The following FKBPL variants were observed in gnomAD, a reference collection of about 807,000 sequenced individuals.
FKBPL encodes FK506-binding protein-like.
In FKBPL, 31 loss-of-function variants were observed where a neutral mutation model predicts 27.9. That is an observed-to-expected ratio of 1.11 (90% CI 0.83 to 1.50). The LOEUF (loss-of-function observed/expected upper bound fraction) is 1.50. Among genes scored for constraint, FKBPL ranks in the 40% most tolerant of loss-of-function variants. The pLI, the probability that FKBPL is intolerant of heterozygous loss-of-function variation, is 0.00. For synonymous variants in FKBPL, 134 were observed against 169.5 expected (o/e 0.79, Z 1.63); for missense variants, 355 against 425.9 (o/e 0.83, Z 1.46).
Position 32,129,018 on chromosome 6 carries a change from G to T in FKBPL, c.763C>A (p.His255Asn). The T allele has an allele frequency of 6.2e-7, 1 of 1,614,220 alleles. No homozygotes were observed. Among genetic ancestry groups the T allele is most frequent in the Non-Finnish European group, 8.5e-7 (1 of 1,180,016 alleles). Reference sequence around the variant, plus strand: ...AACTGACAGGCAGCCAGATTGGCATGAAGGACAGTTCGTTCTGGAGGGCCA... The same window carrying T: ...AACTGACAGGCAGCCAGATTGGCATTAAGGACAGTTCGTTCTGGAGGGCCA... ...PPGPPERTVLHANLAACQLLL... is the reference protein window; with the variant it reads ...PPGPPERTVLNANLAACQLLL... Residue 255 changes from histidine (H) to asparagine (N), a missense_variant, in exon 2 of 2, where the codon CAT (histidine) becomes AAT (asparagine). Coordinates refer to ENST00000375156, the MANE Select transcript of FKBPL (RefSeq NM_022110.4). The surrounding 1 kb of genome is among the most constrained non-coding windows in gnomAD (Gnocchi z 4.5).
chr6:32,129,776 T>C lies in FKBPL; in HGVS notation c.5A>G (p.Glu2Gly). Residue 2 changes from glutamate to glycine, a missense_variant, in exon 2 of 2, where the codon GAG becomes GGG. Transcript: ENST00000375156. This position sits in a 1 kb window ranked among gnomAD's most constrained non-coding sequence, Gnocchi z 4.5. The part of the protein sequence containing the change: M[E>G]TPPVNTIGEK... ...TCCAATTGTATTGACTGGTGGCGTC[T>C]CCATATGGATGCTTAGTCCCTTCCA... 1.2e-6 allele frequency: 2 copies of C among 1,612,610 alleles called. No homozygotes were observed. Among genetic ancestry groups the C allele is most frequent in the Non-Finnish European group, 1.7e-6 (2 of 1,179,348 alleles).
rs776870873 is a variant in FKBPL at position 32,129,557 on chromosome 6, C to A, written c.224G>T (p.Gly75Val). Residue 75 changes from glycine (G) to valine (V), a missense_variant, in exon 2 of 2, where the codon GGA (glycine) becomes GTA (valine). Transcript: ENST00000375156. This position sits in a 1 kb window ranked among gnomAD's most constrained non-coding sequence, Gnocchi z 4.5. ...TGATCCATGAGACTTATGAGAGTCT[C>A]CTTCAAGTTCAGCAACCAGTTTTTC... ...GAEKLVAELEGDSHKSHGSTS... is the reference protein window; with the variant it reads ...GAEKLVAELEVDSHKSHGSTS... The A allele has an allele frequency of 1.7e-5, 27 of 1,610,190 alleles. No individual in the cohort carries two copies. The Admixed American group carries it at 4.2e-4, about 25-fold the overall frequency.
Position 32,130,190 on chromosome 6 carries a change from C to G in FKBPL, c.-170G>C. Reference sequence around the variant, plus strand: ...CTAAATGGCTACTGAATGCTGCCCTCGGAGCCTTGCCCCACGCGGAGAGGG... The same window carrying G: ...CTAAATGGCTACTGAATGCTGCCCTGGGAGCCTTGCCCCACGCGGAGAGGG... On this transcript the variant is annotated 5_prime_UTR_variant, in exon 1 of 2. Coordinates refer to ENST00000375156, the MANE Select transcript of FKBPL (RefSeq NM_022110.4). 4.4e-6 allele frequency: 1 copy of G among 227,028 alleles called. No homozygotes were observed. The highest frequency in any genetic ancestry group is 8.8e-6 in the Non-Finnish European group (1 of 113,226). 14.1% of individuals were successfully genotyped at this position (227,028 alleles called of 1,614,324 possible). A position where few individuals can be genotyped will look rare whatever the true frequency, so the allele number is the denominator to read the frequency against.
Position 32,129,279 on chromosome 6 carries a change from A to T in FKBPL, c.502T>A (p.Cys168Ser). Residue 168 changes from cysteine to serine, a missense_variant, in exon 2 of 2, where the codon TGT (cysteine) becomes AGT (serine). Transcript: ENST00000375156. The surrounding 1 kb of genome is among the most constrained non-coding windows in gnomAD (Gnocchi z 4.5). ...TGAAGCTCTGCTTCCTCACCTTGAC[A>T]CATGGACTCCAAGCATTTCTCTATG... is the stretch of plus-strand genomic sequence containing the variant. ...ELIEKCLESM[C>S]QGEEAELQLP... is the part of the protein sequence containing the mutation. 6.2e-7 allele frequency: 1 copy of T among 1,614,228 alleles called. No homozygotes were observed. Among genetic ancestry groups the T allele is most frequent in the Non-Finnish European group, 8.5e-7 (1 of 1,180,040 alleles).
rs1459320615 is a variant in FKBPL, at chr6:32,128,790, T to C, written c.991A>G (p.Ile331Val). 6.2e-7 allele frequency: 1 copy of C among 1,614,272 alleles called. No homozygotes were observed. The change falls in exon 2 of 2, where the codon ATT becomes GTT. Residue 331 changes from isoleucine (I) to valine (V), a missense_variant. Ile to Val is a conservative substitution (Grantham distance 29). Transcript: ENST00000375156. ...CCTGCATCCTGGTTCTTCCCCTGAA[T>C]GACCACCTTCCCCAGTTCCTCCTGG... ...AAQEELGKVV[I>V]QGKNQDAGLA...
Position 32,129,813 on chromosome 6 carries a change from C to G in FKBPL, c.-33G>C. 6.3e-7 allele frequency: 1 copy of G among 1,589,476 alleles called. No individual in the cohort carries two copies. The highest frequency in any genetic ancestry group is 8.6e-7 in the Non-Finnish European group (1 of 1,165,572). ...CTTAGTCCCTTCCACGGTGAGTGAACAGTTTTGGTCAGAAAGGGATGAACC... is the reference window on the plus strand; with the variant it reads ...CTTAGTCCCTTCCACGGTGAGTGAAGAGTTTTGGTCAGAAAGGGATGAACC... On this transcript the variant is annotated 5_prime_UTR_variant, in exon 2 of 2. Coordinates refer to ENST00000375156, the MANE Select transcript of FKBPL (RefSeq NM_022110.4). This position sits in a 1 kb window ranked among gnomAD's most constrained non-coding sequence, Gnocchi z 4.5.
Position 32,129,076 on chromosome 6 carries a change from C to T in FKBPL, c.705G>A (p.Arg235=). 6.2e-7 allele frequency: 1 copy of T among 1,614,238 alleles called. No homozygotes were observed. Among genetic ancestry groups the T allele is most frequent in the South Asian group, 1.1e-5 (1 of 91,092 alleles). Reference sequence around the variant, plus strand: ...GTAAAGTCAGGAGCAGCCGAAGAGCCCGTCCATAGCATCGGGCAGCTCCTT... The same window carrying T: ...GTAAAGTCAGGAGCAGCCGAAGAGCTCGTCCATAGCATCGGGCAGCTCCTT... ...NPEGAARCYG[R]ALRLLLTLPP... is the part of the protein sequence containing the mutation. The change falls in exon 2 of 2, where the codon CGG becomes CGA. Residue 235 remains arginine (R), a synonymous_variant. Coordinates refer to ENST00000375156, the MANE Select transcript of FKBPL (RefSeq NM_022110.4). This position sits in a 1 kb window ranked among gnomAD's most constrained non-coding sequence, Gnocchi z 4.5.
At position 32,129,881 on chromosome 6, in the gene FKBPL, T is replaced by G; in HGVS notation, c.-74-27A>C. 1 of 1,040,762 alleles carries G rather than the reference T, an allele frequency of 9.6e-7. No individual in the cohort carries two copies. The highest frequency in any genetic ancestry group is 1.5e-6 in the Non-Finnish European group (1 of 681,470). 64.5% of individuals were successfully genotyped at this position (1,040,762 alleles called of 1,614,324 possible). A position where few individuals can be genotyped will look rare whatever the true frequency, so the allele number is the denominator to read the frequency against. ...TGAAAAGAAAACCAAACAATGCTAA[T>G]AGCAGGGTTCTTATTTAGACTCCTT... On this transcript the variant is annotated intron_variant, in intron 1 of 1. Coordinates refer to ENST00000375156, the MANE Select transcript of FKBPL (RefSeq NM_022110.4). The surrounding 1 kb of genome is among the most constrained non-coding windows in gnomAD (Gnocchi z 4.5).
At position 32,129,577 on chromosome 6, in the gene FKBPL, T is replaced by G; in HGVS notation, c.204A>C (p.Lys68Asn). ...AGTCTCCTTCAAGTTCAGCAACCAG[T>G]TTTTCAGCTCCTTGAGTATGCTCTA... Reference protein sequence around the residue: ...QILEHTQGAEKLVAELEGDSH... With the variant: ...QILEHTQGAENLVAELEGDSH... The change falls in exon 2 of 2, where the codon AAA becomes AAC. Residue 68 changes from lysine (K) to asparagine (N), a missense_variant. Coordinates refer to ENST00000375156, the MANE Select transcript of FKBPL (RefSeq NM_022110.4). The surrounding 1 kb of genome is among the most constrained non-coding windows in gnomAD (Gnocchi z 4.5). 6.2e-7 allele frequency: 1 copy of G among 1,614,106 alleles called. No individual in the cohort carries two copies.
Position 32,130,110 on chromosome 6 carries a change from G to C in FKBPL, c.-90C>G. The C allele has an allele frequency of 2.2e-6, 1 of 461,044 alleles. No individual in the cohort carries two copies. The highest frequency in any genetic ancestry group is 2.4e-5 in the South Asian group (1 of 42,228). 28.6% of individuals were successfully genotyped at this position (461,044 alleles called of 1,614,324 possible). On this transcript the variant is annotated 5_prime_UTR_variant, in exon 1 of 2. Transcript: ENST00000375156. ...CAATAAGTACCTGCGCGGCCAAAGTGCCTAGCATGGTGACAGGAGGAGCCG... is the reference window on the plus strand; with the variant it reads ...CAATAAGTACCTGCGCGGCCAAAGTCCCTAGCATGGTGACAGGAGGAGCCG...
In FKBPL at chr6:32,129,023, A is replaced by G. The variant is rs757405641; in HGVS notation, c.758T>C (p.Val253Ala). 1.6e-5 allele frequency: 26 copies of G among 1,614,114 alleles called. No homozygotes were observed. Among genetic ancestry groups the G allele is most frequent in the Non-Finnish European group, 2.2e-5 (26 of 1,180,038 alleles). Residue 253 changes from valine to alanine, a missense_variant, in exon 2 of 2, where the codon GTC (valine) becomes GCC (alanine). Coordinates refer to ENST00000375156, the MANE Select transcript of FKBPL (RefSeq NM_022110.4). This position sits in a 1 kb window ranked among gnomAD's most constrained non-coding sequence, Gnocchi z 4.5. ...ACAGGCAGCCAGATTGGCATGAAGGACAGTTCGTTCTGGAGGGCCAGGTGG... is the reference window on the plus strand; with the variant it reads ...ACAGGCAGCCAGATTGGCATGAAGGGCAGTTCGTTCTGGAGGGCCAGGTGG... The part of the protein sequence containing the change: ...LPPPGPPERT[V>A]LHANLAACQL...
In FKBPL at chr6:32,129,553, G is replaced by A. The variant is rs748072964; in HGVS notation, c.228C>T (p.Asp76=). 3 of 1,609,230 alleles carry A rather than the reference G, an allele frequency of 1.9e-6. No individual in the cohort carries two copies. The highest frequency in any genetic ancestry group is 2.5e-6 in the Non-Finnish European group (3 of 1,179,048). The stretch of plus-strand genomic sequence containing the variant: ...TGGTTGATCCATGAGACTTATGAGA[G>A]TCTCCTTCAAGTTCAGCAACCAGTT... ...AEKLVAELEG[D]SHKSHGSTSQ... Residue 76 remains aspartate, a synonymous_variant, in exon 2 of 2, where the codon GAC becomes GAT. Transcript: ENST00000375156. The surrounding 1 kb of genome is among the most constrained non-coding windows in gnomAD (Gnocchi z 4.5).
Position 32,128,819 on chromosome 6 carries a change from G to T in FKBPL, c.962C>A (p.Ala321Glu), listed in dbSNP as rs1225800528. Residue 321 changes from alanine to glutamate, a missense_variant, in exon 2 of 2, where the codon GCA (alanine) becomes GAA (glutamate). Transcript: ENST00000375156. ...KVLAIDPKNR[A>E]AQEELGKVVI... The stretch of plus-strand genomic sequence containing the variant: ...CACCTTCCCCAGTTCCTCCTGGGCT[G>T]CCCGGTTTTTGGGATCTATCGCCAG... The T allele has an allele frequency of 6.2e-7, 1 of 1,614,246 alleles. No homozygotes were observed. The highest frequency in any genetic ancestry group is 1.7e-5 in the Admixed American group (1 of 60,028).
At position 32,128,854 on chromosome 6, in the gene FKBPL, G is replaced by A; in HGVS notation, c.927C>T (p.Leu309=). Residue 309 remains leucine, a synonymous_variant, in exon 2 of 2, where the codon CTC becomes CTT. Transcript: ENST00000375156. ...LGNLEKATAD[L]KKVLAIDPKN... ...TGGGATCTATCGCCAGCACCTTCTT[G>A]AGGTCAGCAGTTGCTTTTTCCAGGT... 6.2e-7 allele frequency: 1 copy of A among 1,614,208 alleles called. No individual in the cohort carries two copies. The highest frequency in any genetic ancestry group is 1.3e-5 in the African/African-American group (1 of 75,050).
rs1782176995 is a variant in FKBPL, at chr6:32,129,965, T to C, written c.-74-111A>G. On this transcript the variant is annotated intron_variant, in intron 1 of 1. Coordinates refer to ENST00000375156, the MANE Select transcript of FKBPL (RefSeq NM_022110.4). The surrounding 1 kb of genome is among the most constrained non-coding windows in gnomAD (Gnocchi z 4.5). ...CCCTAGTCCTGAAAGTCCCCAGTTTTGCTTTCCTCCAAAAATCTGCTCCAG... is the reference window on the plus strand; with the variant it reads ...CCCTAGTCCTGAAAGTCCCCAGTTTCGCTTTCCTCCAAAAATCTGCTCCAG... 1 of 653,560 alleles carries C rather than the reference T, an allele frequency of 1.5e-6. No homozygotes were observed. Among genetic ancestry groups the C allele is most frequent in the African/African-American group, 1.8e-5 (1 of 54,556 alleles). The allele number at this position is 653,560 out of a possible 1,614,324, so 40.5% of individuals were successfully genotyped here.
chr6:32,129,739 G>C lies in FKBPL; in HGVS notation c.42C>G (p.Thr14=). ...TTTCCCACTCTTGTTGCGGCTGAGA[G>C]GTGTCCTTTTCTCCAATTGTATTGA... ...PPVNTIGEKD[T]SQPQQEWEKN... Residue 14 remains threonine, a synonymous_variant, in exon 2 of 2, where the codon ACC becomes ACG. Coordinates refer to ENST00000375156, the MANE Select transcript of FKBPL (RefSeq NM_022110.4). This position sits in a 1 kb window ranked among gnomAD's most constrained non-coding sequence, Gnocchi z 4.5. 6.2e-7 allele frequency: 1 copy of C among 1,614,102 alleles called. No homozygotes were observed. The highest frequency in any genetic ancestry group is 8.5e-7 in the Non-Finnish European group (1 of 1,180,016).
Position 32,129,055 on chromosome 6 carries a change from A to G in FKBPL, c.726T>C (p.Thr242=). ...GTTCTGGAGGGCCAGGTGGGGGTAA[A>G]GTCAGGAGCAGCCGAAGAGCCCGTC... The part of the protein sequence containing the change: ...CYGRALRLLL[T]LPPPGPPERT... The change falls in exon 2 of 2, where the codon ACT becomes ACC. Residue 242 remains threonine, a synonymous_variant. Coordinates refer to ENST00000375156, the MANE Select transcript of FKBPL (RefSeq NM_022110.4). This position sits in a 1 kb window ranked among gnomAD's most constrained non-coding sequence, Gnocchi z 4.5. 1.2e-6 allele frequency: 2 copies of G among 1,614,236 alleles called. No individual in the cohort carries two copies. The highest frequency in any genetic ancestry group is 1.7e-6 in the Non-Finnish European group (2 of 1,180,038).
At position 32,129,763 on chromosome 6, in the gene FKBPL, G is replaced by C. The variant is rs1444003260; in HGVS notation, c.18C>G (p.Val6=). ...AGGTGTCCTTTTCTCCAATTGTATT[G>C]ACTGGTGGCGTCTCCATATGGATGC... METPP[V]NTIGEKDTSQ... is the part of the protein sequence containing the mutation. Residue 6 remains valine (V), a synonymous_variant, in exon 2 of 2, where the codon GTC becomes GTG. Coordinates refer to ENST00000375156, the MANE Select transcript of FKBPL (RefSeq NM_022110.4). The surrounding 1 kb of genome is among the most constrained non-coding windows in gnomAD (Gnocchi z 4.5). The C allele has an allele frequency of 6.2e-7, 1 of 1,613,626 alleles. No individual in the cohort carries two copies. Among genetic ancestry groups the C allele is most frequent in the Admixed American group, 1.7e-5 (1 of 59,908 alleles).
rs143627051 is a variant in FKBPL, at chr6:32,129,745, C to T, written c.36G>A (p.Lys12=). ...ACTCTTGTTGCGGCTGAGAGGTGTCCTTTTCTCCAATTGTATTGACTGGTG... is the reference window on the plus strand; with the variant it reads ...ACTCTTGTTGCGGCTGAGAGGTGTCTTTTTCTCCAATTGTATTGACTGGTG... ...ETPPVNTIGE[K]DTSQPQQEWE... is the part of the protein sequence containing the mutation. The change falls in exon 2 of 2, where the codon AAG becomes AAA. Residue 12 remains lysine, a synonymous_variant. Coordinates refer to ENST00000375156, the MANE Select transcript of FKBPL (RefSeq NM_022110.4). The surrounding 1 kb of genome is among the most constrained non-coding windows in gnomAD (Gnocchi z 4.5). 1.4e-5 allele frequency: 23 copies of T among 1,613,888 alleles called. No homozygotes were observed. The highest frequency in any genetic ancestry group is 1.8e-5 in the Non-Finnish European group (21 of 1,179,998).
Sources: allele counts gnomAD v4.1 joint callset, GRCh38; gene constraint gnomAD v4.1.1; non-coding constraint Gnocchi (gnomAD v3.1); transcripts MANE v1.5; gene names NCBI Gene and HGNC (gene_info 2026-07-23, HGNC 2026-07-21).